AUH: variants seen among roughly 807,000 people sequenced by gnomAD.
The protein encoded by AUH is methylglutaconyl-CoA hydratase, mitochondrial.
Under a neutral mutation model 42.3 loss-of-function variants are expected in AUH, and 29 were observed. The observed-to-expected ratio is 0.69, with a 90% confidence interval of 0.51 to 0.93. The LOEUF (loss-of-function observed/expected upper bound fraction) is 0.93, where lower values mean the gene tolerates loss of function less well. AUH is among the 40% of genes least tolerant of loss of function. AUH has a pLI of 0.00. For synonymous variants in AUH, 174 were observed against 166.4 expected (o/e 1.05, Z -0.35); for missense variants, 452 against 438.1 (o/e 1.03, Z -0.28).
At chr9:91,245,497 C>G (rs1828744441) in intron 6 of AUH, among the ~76,000 whole-genome samples, 3 of 152,138 alleles carry the variant, frequency 2.0e-5, no homozygotes. Flanking sequence ...CACCTAATCA[C>G]TAATCACCCC....
At chr9:91,313,330 A>G (rs565059366) in intron 4 of AUH, among the ~76,000 whole-genome samples, 13 of 152,334 alleles carry the variant, frequency 8.5e-5, no homozygotes, top group African/African-American at 3.1e-4. Flanking sequence ...AGGATCCTCC[A>G]CCATCAGTAT....
chr9:91,266,939 T>C (rs527894305), intron 6 of AUH, among the ~76,000 whole-genome samples: 1 of 152,306 alleles, frequency 6.6e-6, no homozygotes, highest in East Asian at 1.9e-4. Context: ...GACAGACTGC[T>C]AGTGCACTCC....
At chr9:91,353,943 G>A (rs916636041) in intron 3 of AUH, among the ~76,000 whole-genome samples, 4 of 151,722 alleles carry the variant, frequency 2.6e-5, no homozygotes, top group Non-Finnish European at 5.9e-5. Flanking sequence ...GAGGCAGGTG[G>A]ATCACCTGAG....
intron 4 of AUH, among the ~76,000 whole-genome samples, chr9:91,306,580 G>A (rs1305619988): frequency 1.3e-5 from 2 of 152,214 alleles, no homozygotes; most frequent in African/African-American, 4.8e-5. Context: ...AGCATCACCT[G>A]TAAGCTTTTT....
At chr9:91,282,294 T>G (rs915934114) in intron 6 of AUH, among the ~76,000 whole-genome samples, 1 of 152,226 alleles carries the variant, frequency 6.6e-6, no homozygotes, top group Non-Finnish European at 1.5e-5. Context: ...ACCTCTTGGT[T>G]TTAAACTACA....
chr9:91,346,286 G>C (rs376818362), intron 3 of AUH, among the ~76,000 whole-genome samples: 2 of 152,138 alleles, frequency 1.3e-5, no homozygotes, highest in African/African-American at 2.4e-5. Flanking sequence ...ATTGAGCTCA[G>C]TCGCCAATGG....
intron 6 of AUH, among the ~76,000 whole-genome samples, chr9:91,234,254 G>T (rs895650720): frequency 1.3e-5 from 2 of 152,170 alleles, no homozygotes; most frequent in Admixed American, 1.3e-4. Context: ...CTGGACAGGC[G>T]TCTACATCAG....
intron 3 of AUH, among the ~76,000 whole-genome samples, chr9:91,351,540 T>C (rs569747480): frequency 6.6e-6 from 1 of 152,330 alleles, no homozygotes; most frequent in African/African-American, 2.4e-5. Context: ...ATTGAGTATA[T>C]ATACACAAAC....
chr9:91,343,674 G>C (rs1831272900), intron 3 of AUH, among the ~76,000 whole-genome samples: 2 of 152,192 alleles, frequency 1.3e-5, no homozygotes, highest in South Asian at 4.1e-4. Context: ...GGAGGTTGCA[G>C]TGAGCTGAGA....
chr9:91,297,552 A>T (rs1333953602), intron 5 of AUH, among the ~76,000 whole-genome samples: 2 of 152,062 alleles, frequency 1.3e-5, no homozygotes, highest in African/African-American at 4.8e-5. Context: ...ATTGGCCTAA[A>T]AAAGGGAGGA....
chr9:91,232,235 A>C (rs1827929111), intron 6 of AUH, among the ~76,000 whole-genome samples: 1 of 152,154 alleles, frequency 6.6e-6, no homozygotes, highest in Non-Finnish European at 1.5e-5. Context: ...ACATAGAGAT[A>C]CAAAATCAGC....
intron 6 of AUH, among the ~76,000 whole-genome samples, chr9:91,249,517 T>C (rs1829004590): frequency 6.6e-6 from 1 of 152,114 alleles, no homozygotes; most frequent in South Asian, 2.1e-4. Context: ...TTCGGTAGTT[T>C]TTTTTTGGTA....
chr9:91,220,244 G>A (rs1827055639), intron 7 of AUH, among the ~76,000 whole-genome samples: 1 of 152,194 alleles, frequency 6.6e-6, no homozygotes, highest in African/African-American at 2.4e-5. Context: ...GTAGTTGTGA[G>A]GAAGCACAAT....
intron 6 of AUH, among the ~76,000 whole-genome samples, chr9:91,295,686 T>C (rs1185017438): frequency 6.6e-6 from 1 of 152,228 alleles, no homozygotes; most frequent in Non-Finnish European, 1.5e-5. Context: ...AATTTAGCAA[T>C]AAAGTATTTT....
rs931179337 is a variant in AUH at position 91,297,999 on chromosome 9, C to T, written c.583G>A (p.Asp195Asn). The T allele has an allele frequency of 4.3e-6, 7 of 1,609,738 alleles. No individual in the cohort carries two copies. The African/African-American group carries it at 5.3e-5, about 12-fold the overall frequency. ...GGGLELALAC[D>N]IRVAASSAKM... ...TAATTCTTACCTGCTACTCGTATAT[C>T]ACAGGCTAAAGCCAGTTCAAGACCA... The change falls in exon 5 of 10, where the codon GAT (aspartate) becomes AAT (asparagine). Residue 195 changes from aspartate to asparagine, a missense_variant. Physicochemically the swap from Asp to Asn is conservative, Grantham distance 23. Coordinates refer to ENST00000375731, the MANE Select transcript of AUH (RefSeq NM_001698.3).
rs1170607631 is a variant in AUH at position 91,361,864 on chromosome 9, G to A, written c.26C>T (p.Pro9Leu). ...AGCATGCAGGGATCCCAAGGCCCCA[G>A]GTGCCGCCGCCACCGCGGCCGCCAT... MAAAVAAA[P>L]GALGSLHAGG... The change falls in exon 1 of 10, where the codon CCT becomes CTT. Residue 9 changes from proline (P) to leucine (L), a missense_variant. By Grantham distance (98) the Pro-to-Leu change is moderately conservative. Coordinates refer to ENST00000375731, the MANE Select transcript of AUH (RefSeq NM_001698.3). 8.8e-6 allele frequency: 13 copies of A among 1,474,620 alleles called. No homozygotes were observed. The highest frequency in any genetic ancestry group is 8.6e-5 in the East Asian group (3 of 34,826). The allele number at this position is 1,474,620 out of a possible 1,614,324, so 91.3% of individuals were successfully genotyped here.
rs144317886 is a variant in AUH at position 91,268,523 on chromosome 9, C to T, written c.655+27498G>A. Reference sequence around the variant, plus strand: ...TCGGCTCACTGCAACCTCGGCCTTCCAGGTTCAAGCGATTCTCCTGCCTCA... The same window carrying T: ...TCGGCTCACTGCAACCTCGGCCTTCTAGGTTCAAGCGATTCTCCTGCCTCA... On this transcript the variant is annotated intron_variant, in intron 6 of 9. Coordinates refer to ENST00000375731, the MANE Select transcript of AUH (RefSeq NM_001698.3). Among the ~76,000 whole-genome samples, 837 of 152,170 alleles carry T rather than the reference C, an allele frequency of 5.5e-3. 10 individuals carry two copies. Among genetic ancestry groups the T allele is most frequent in the East Asian group, 0.041 (214 of 5,170 alleles).
intron 8 of AUH, 111 bp from the exon 9 acceptor site, chr9:91,216,217 T>C: frequency 3.7e-6 from 4 of 1,071,120 alleles, no homozygotes; most frequent in African/African-American, 1.6e-5. Flanking sequence ...AATCCTTTGA[T>C]ATAGTACAGC....
At chr9:91,314,222 G>A (rs1460684472) in intron 4 of AUH, among the ~76,000 whole-genome samples, 1 of 152,100 alleles carries the variant, frequency 6.6e-6, no homozygotes, top group South Asian at 2.1e-4. Context: ...TAAAAGTAGG[G>A]GGCCAGGAAC....
Sources: allele counts gnomAD v4.1 joint callset (sites outside exome capture counted in the v4.1 genomes callset), GRCh38; gene constraint gnomAD v4.1.1; transcripts MANE v1.5; gene names NCBI Gene and HGNC (gene_info 2026-07-23, HGNC 2026-07-21).